The following KIAA1217 variants were observed in gnomAD, a reference collection of about 807,000 sequenced individuals.
KIAA1217 encodes the protein sickle tail protein homolog.
In KIAA1217, 88 loss-of-function variants were observed where a neutral mutation model predicts 163.9. The ratio of observed to expected loss-of-function variants is 0.54; its 90% CI spans 0.45 to 0.64. The LOEUF is 0.64. KIAA1217 is among the 30% of genes least tolerant of loss of function. The pLI, the probability that KIAA1217 is intolerant of heterozygous loss-of-function variation, is 0.00. For missense variants in KIAA1217, 2,372 were observed against 2,475.0 expected (o/e 0.96, Z 0.88); for synonymous variants, 903 against 923.1 (o/e 0.98, Z 0.39).
intron 2 of KIAA1217, among the ~76,000 whole-genome samples, chr10:24,298,161 G>C (rs980927536): frequency 3.3e-5 from 5 of 152,108 alleles, no homozygotes; most frequent in African/African-American, 1.2e-4. Context: ...TTACTATACA[G>C]TAATGTCTCT....
At position 24,337,632 on chromosome 10, in the gene KIAA1217, TTTCTTTTCTTTTCTTTTC is replaced by T. The variant is rs1374425020; in HGVS notation, c.355-43234_355-43217del. Among the ~76,000 whole-genome samples, 349 of 59,840 alleles carry T rather than the reference TTTCTTTTCTTTTCTTTTC, an allele frequency of 5.8e-3. 6 individuals are homozygous for T. Among genetic ancestry groups the T allele is most frequent in the African/African-American group, 0.025 (255 of 10,204 alleles). 39.3% of individuals were successfully genotyped at this position (59,840 alleles called of 152,430 possible). On this transcript the variant is annotated intron_variant, in intron 2 of 20. Transcript: ENST00000376454. Reference sequence around the variant, plus strand: ...TTTCTTTTCTTTTCTTTTCTTTTCTTTTCTTTTCTTTTCTTTTCTTTTTTTTTTTTGAGACGAGTCTCA... The same window carrying T: ...TTTCTTTTCTTTTCTTTTCTTTTCTTTTTTTTTTTTTTGAGACGAGTCTCA...
chr10:24,061,043 G>T (rs1453027452), intron 2 of KIAA1217, among the ~76,000 whole-genome samples: 2 of 152,070 alleles, frequency 1.3e-5, no homozygotes, highest in Non-Finnish European at 2.9e-5. Context: ...ATCATTTTCT[G>T]TATGTCTTAT....
intron 12 of KIAA1217, among the ~76,000 whole-genome samples, chr10:24,524,004 G>C (rs931551667): frequency 1.3e-5 from 2 of 152,108 alleles, no homozygotes; most frequent in Admixed American, 6.5e-5. Context: ...GAAAGGAGGA[G>C]GGAATAAGCA....
intron 1 of KIAA1217, among the ~76,000 whole-genome samples, chr10:23,868,564 G>A (rs1396056089): frequency 1.3e-5 from 2 of 152,076 alleles, no homozygotes; most frequent in African/African-American, 2.4e-5. Flanking sequence ...TTAGCTCCTT[G>A]TTTCTTCTGA....
Position 24,546,220 on chromosome 10 carries a change from G to A in KIAA1217, c.5728G>A (p.Ala1910Thr). 1 of 1,614,144 alleles carries A rather than the reference G, an allele frequency of 6.2e-7. No homozygotes were observed. The highest frequency in any genetic ancestry group is 8.5e-7 in the Non-Finnish European group (1 of 1,180,028). Residue 1910 changes from alanine to threonine, a missense_variant, in exon 21 of 21, where the codon GCC becomes ACC. By Grantham distance (58) the Ala-to-Thr change is moderately conservative (BLOSUM62 0). Coordinates refer to ENST00000376454, the MANE Select transcript of KIAA1217 (RefSeq NM_019590.5). ...CTCCTCCGTCTCACTGAATCAAGGT[G>A]CCAAGGGCACCAGGACCATCCATAC... ...PASSVSLNQG[A>T]KGTRTIHTPS...
At chr10:24,452,823 G>C (rs867908199) in intron 5 of KIAA1217, among the ~76,000 whole-genome samples, 10 of 152,108 alleles carry the variant, frequency 6.6e-5, no homozygotes, top group African/African-American at 1.2e-4. Context: ...AAGGATAAAT[G>C]CTTGAGGTGA....
intron 3 of KIAA1217, among the ~76,000 whole-genome samples, chr10:24,397,236 T>G (rs2055904014): frequency 6.7e-6 from 1 of 149,984 alleles, no homozygotes; most frequent in Non-Finnish European, 1.5e-5. Flanking sequence ...TCTACAGGCA[T>G]GCAGCACCAC....
intron 2 of KIAA1217, among the ~76,000 whole-genome samples, chr10:24,114,032 T>C (rs575828714): frequency 1.5e-4 from 23 of 152,306 alleles, no homozygotes; most frequent in Middle Eastern, 3.4e-3. Flanking sequence ...TTCAGAGCCA[T>C]GGTGGCCTGA....
At chr10:24,528,456 C>G (rs1259732800) in intron 14 of KIAA1217, among the ~76,000 whole-genome samples, 1 of 151,724 alleles carries the variant, frequency 6.6e-6, no homozygotes, top group Admixed American at 6.6e-5. Context: ...CAAGAAGTAG[C>G]TAGGGCTGTA....
intron 1 of KIAA1217, among the ~76,000 whole-genome samples, chr10:23,811,083 A>G (rs1238246765): frequency 8.3e-6 from 1 of 121,010 alleles, no homozygotes; most frequent in Admixed American, 9.0e-5. Context: ...AATACATAGT[A>G]CACTATATTA....
At chr10:24,325,226 G>A (rs1191008721) in intron 2 of KIAA1217, among the ~76,000 whole-genome samples, 1 of 152,166 alleles carries the variant, frequency 6.6e-6, no homozygotes, top group East Asian at 1.9e-4. Context: ...TGACAGTAGT[G>A]GTTATACTGG....
At chr10:23,846,800 C>T (rs1839054014) in intron 1 of KIAA1217, among the ~76,000 whole-genome samples, 1 of 152,106 alleles carries the variant, frequency 6.6e-6, no homozygotes, top group Non-Finnish European at 1.5e-5. Flanking sequence ...AGAGGTCATC[C>T]TTGTCTTGTG....
chr10:24,271,938 A>C (rs1448644888), intron 2 of KIAA1217, among the ~76,000 whole-genome samples: 1 of 152,160 alleles, frequency 6.6e-6, no homozygotes, highest in African/African-American at 2.4e-5. Context: ...TAAAAGTGGC[A>C]TAAAAGGCCA....
rs182977728 is a variant in KIAA1217, at chr10:24,217,281, G to A, written c.71-2345G>A. Among the ~76,000 whole-genome samples the A allele has an allele frequency of 2.0e-5, 3 of 152,256 alleles. No individual in the cohort carries two copies. The East Asian group carries it at 5.8e-4, about 29-fold the overall frequency. ...CATGATGTGAGTCTAAGTGTTGGAA[G>A]CGCAACCTAAATAAATGAAATGACA... On this transcript the variant is annotated intron_variant, in intron 1 of 20. Coordinates refer to ENST00000376454, the MANE Select transcript of KIAA1217 (RefSeq NM_019590.5).
At chr10:24,111,075 T>C (rs1189985459) in intron 2 of KIAA1217, among the ~76,000 whole-genome samples, 1 of 152,208 alleles carries the variant, frequency 6.6e-6, no homozygotes, top group Non-Finnish European at 1.5e-5. Context: ...ATACCAGTAG[T>C]TATATTTGAT....
intron 3 of KIAA1217, among the ~76,000 whole-genome samples, chr10:24,431,789 A>T (rs530467957): frequency 5.3e-5 from 8 of 152,194 alleles, no homozygotes; most frequent in Non-Finnish European, 7.3e-5. Flanking sequence ...GCTGCTCTCC[A>T]CAGATGGGTG....
intron 2 of KIAA1217, among the ~76,000 whole-genome samples, chr10:24,298,813 A>G (rs2040940689): frequency 6.6e-6 from 1 of 152,160 alleles, no homozygotes; most frequent in Non-Finnish European, 1.5e-5. Context: ...GAAAAAATAA[A>G]TAAATAAAAT....
At chr10:24,484,241 ATT>A (rs59233394) in intron 6 of KIAA1217, among the ~76,000 whole-genome samples, 1,164 of 74,898 alleles carry the variant, frequency 0.016, 6 homozygotes, top group African/African-American at 0.044. Flanking sequence ...ATATATATAT[ATT>A]TTTTTTTTTT....
chr10:24,008,752 C>T (rs1847118816), intron 2 of KIAA1217, among the ~76,000 whole-genome samples: 1 of 152,158 alleles, frequency 6.6e-6, no homozygotes, highest in Non-Finnish European at 1.5e-5. Flanking sequence ...AGCTACCTTT[C>T]TCACCCCAGG....
Sources: allele counts gnomAD v4.1 joint callset (sites outside exome capture counted in the v4.1 genomes callset), GRCh38; gene constraint gnomAD v4.1.1; transcripts MANE v1.5; gene names NCBI Gene and HGNC (gene_info 2026-07-23, HGNC 2026-07-21).